SP100: variants seen among roughly 807,000 people sequenced by gnomAD.
SP100 encodes the protein SP100 nuclear body protein.
Under a neutral mutation model 130.0 loss-of-function variants are expected in SP100, and 84 were observed. The observed-to-expected ratio is 0.65, with a 90% CI of 0.54 to 0.77. The LOEUF is 0.77. Ranked by LOEUF, SP100 falls within the 30% of genes least tolerant of loss-of-function variation. The pLI is 0.00. For missense variants in SP100, 978 were observed against 1,052.2 expected (o/e 0.93, Z 0.97); for synonymous variants, 331 against 351.7 (o/e 0.94, Z 0.66).
intron 10 of SP100, chr2:230,463,747 G>A (rs541432238): frequency 2.8e-4 from 49 of 177,686 alleles, no homozygotes; most frequent in African/African-American, 1.1e-3. Context: ...TTTAACAGAA[G>A]ATCTTCAAGG....
intron 24 of SP100, among the ~76,000 whole-genome samples, chr2:230,533,461 T>C (rs836234): frequency 0.16 from 24,846 of 152,220 alleles, 2,449 homozygotes; most frequent in Non-Finnish European, 0.22. Flanking sequence ...GATAGGACTT[T>C]CTGCAGCATA....
At chr2:230,465,376 G>A (rs775821433) in intron 11 of SP100, among the ~76,000 whole-genome samples, 1 of 152,190 alleles carries the variant, frequency 6.6e-6, no homozygotes, top group Non-Finnish European at 1.5e-5. Context: ...TCTAGCCTGG[G>A]TGACAGAGTG....
At chr2:230,454,647 T>C (rs2064177595) in intron 8 of SP100, among the ~76,000 whole-genome samples, 1 of 152,206 alleles carries the variant, frequency 6.6e-6, no homozygotes, top group South Asian at 2.1e-4. Context: ...TCAGAAAGTA[T>C]ATCTGATATA....
intron 19 of SP100, among the ~76,000 whole-genome samples, chr2:230,499,333 G>T (rs2066875050): frequency 6.7e-6 from 1 of 149,826 alleles, no homozygotes; most frequent in African/African-American, 2.5e-5. Context: ...GAAGGAGGAG[G>T]CAAGCAGAGA....
At chr2:230,528,729 A>C (rs2150105623) in intron 24 of SP100, among the ~76,000 whole-genome samples, 1 of 152,354 alleles carries the variant, frequency 6.6e-6, no homozygotes, top group East Asian at 1.9e-4. Flanking sequence ...GATGCAATAA[A>C]AAATGATACA....
intron 17 of SP100, among the ~76,000 whole-genome samples, chr2:230,489,657 A>G (rs1257466857): frequency 5.9e-5 from 9 of 152,190 alleles, no homozygotes; most frequent in Admixed American, 5.2e-4. Context: ...ATTTAGTGCT[A>G]TAAATTTCCC....
chr2:230,485,800 T>G (rs1046480854), intron 17 of SP100, among the ~76,000 whole-genome samples: 1 of 152,232 alleles, frequency 6.6e-6, no homozygotes, highest in African/African-American at 2.4e-5. Flanking sequence ...TAAGCCCATT[T>G]ACTTTTATTG....
At chr2:230,496,900 C>A (rs553403249) in intron 18 of SP100, among the ~76,000 whole-genome samples, 14 of 152,284 alleles carry the variant, frequency 9.2e-5, no homozygotes, top group African/African-American at 3.4e-4. Context: ...ACTCTTCATA[C>A]CCTCTCAACA....
intron 8 of SP100, among the ~76,000 whole-genome samples, chr2:230,457,219 G>T (rs1488819762): frequency 6.6e-6 from 1 of 152,180 alleles, no homozygotes; most frequent in Non-Finnish European, 1.5e-5. Flanking sequence ...AATCTGCAGG[G>T]CTCTACACCA....
Position 230,428,544 on chromosome 2 carries a change from G to A in SP100, c.107+10879G>A, listed in dbSNP as rs567021558. 1.6e-3 allele frequency among the ~76,000 whole-genome samples: 247 copies of A among 152,060 alleles called. 1 individual carries two copies. The highest frequency in any genetic ancestry group is 5.7e-3 in the African/African-American group (236 of 41,462). On this transcript the variant is annotated intron_variant, in intron 2 of 28. Transcript: ENST00000340126. The stretch of plus-strand genomic sequence containing the variant: ...TGCAAACTCCACCTCCCAGGTTCAT[G>A]CCATTCTCCTGCCTCAGCCTCCCGA...
intron 26 of SP100, 76 bp from the exon 27 acceptor site, chr2:230,541,225 T>C: frequency 7.6e-7 from 1 of 1,322,294 alleles, no homozygotes; most frequent in Non-Finnish European, 1.1e-6. Flanking sequence ...GGGAGTCGTG[T>C]GTTCTCTTTG....
At chr2:230,498,590 A>G in intron 19 of SP100, 55 bp downstream of exon 19, 1 of 993,756 alleles carries the variant, frequency 1.0e-6, no homozygotes. Flanking sequence ...TCATGCTCTT[A>G]GTAAGAAACA....
chr2:230,457,586 C>T (rs998408905), intron 8 of SP100, among the ~76,000 whole-genome samples: 2 of 152,168 alleles, frequency 1.3e-5, no homozygotes, highest in African/African-American at 4.8e-5. Context: ...CTCCTTTCCC[C>T]AAGCATATTG....
chr2:230,460,130 A>G (rs558726853), intron 8 of SP100, among the ~76,000 whole-genome samples: 27 of 152,334 alleles, frequency 1.8e-4, no homozygotes, highest in African/African-American at 6.0e-4. Context: ...CCTATAACCC[A>G]ACAATTATAT....
At chr2:230,430,119 C>G (rs937059527) in intron 2 of SP100, among the ~76,000 whole-genome samples, 1 of 152,200 alleles carries the variant, frequency 6.6e-6, no homozygotes, top group Admixed American at 6.5e-5. Flanking sequence ...GCAGGGAAAG[C>G]CCTTCACTAG....
At chr2:230,459,905 T>A (rs2064494451) in intron 8 of SP100, among the ~76,000 whole-genome samples, 2 of 152,194 alleles carry the variant, frequency 1.3e-5, no homozygotes, top group Non-Finnish European at 2.9e-5. Flanking sequence ...TAGCAGTAGA[T>A]CAACACTGCT....
chr2:230,461,407 C>T lies in SP100; in HGVS notation c.966C>T (p.Asp322=). 6.2e-7 allele frequency: 1 copy of T among 1,614,012 alleles called. No individual in the cohort carries two copies. Among genetic ancestry groups the T allele is most frequent in the Non-Finnish European group, 8.5e-7 (1 of 1,179,912 alleles). ...GAACTCATCATAACCAGGCATCTGACATAATAGGTAAGGCTGACTGGGAGA... is the reference window on the plus strand; with the variant it reads ...GAACTCATCATAACCAGGCATCTGATATAATAGGTAAGGCTGACTGGGAGA... ...QARTHHNQAS[D]IIVISSEDSE... The change falls in exon 9 of 29, where the codon GAC becomes GAT. Residue 322 remains aspartate, a synonymous_variant. Transcript: ENST00000340126.
chr2:230,426,727 T>C (rs2062944005), intron 2 of SP100, among the ~76,000 whole-genome samples: 1 of 152,222 alleles, frequency 6.6e-6, no homozygotes, highest in Non-Finnish European at 1.5e-5. Context: ...ATTCTGCTGC[T>C]GTTGAATGAA....
intron 2 of SP100, among the ~76,000 whole-genome samples, chr2:230,419,065 G>A (rs2062697447): frequency 6.6e-6 from 1 of 152,154 alleles, no homozygotes; most frequent in Non-Finnish European, 1.5e-5. Context: ...CTTTAAAAAT[G>A]TCTCCTATTA....
Sources: allele counts gnomAD v4.1 joint callset (sites outside exome capture counted in the v4.1 genomes callset), GRCh38; gene constraint gnomAD v4.1.1; transcripts MANE v1.5; gene names NCBI Gene and HGNC (gene_info 2026-07-23, HGNC 2026-07-21).